The following TENM2 variants were observed in gnomAD, a reference collection of about 807,000 sequenced individuals.
TENM2 encodes teneurin-2.
Under a neutral mutation model 245.2 loss-of-function variants are expected in TENM2, and 52 were observed. That is an observed-to-expected ratio of 0.21 (90% confidence interval 0.17 to 0.27). The LOEUF (loss-of-function observed/expected upper bound fraction) is 0.27. Ranked by LOEUF, TENM2 falls within the 10% of genes least tolerant of loss-of-function variation. The probability of loss-of-function intolerance (pLI) is 1.00; values close to 1 mark genes in which losing one functional copy is unlikely to be tolerated. For synonymous variants in TENM2, 1,363 were observed against 1,438.9 expected, an observed-to-expected ratio of 0.95 and a Z score of 1.19; for missense variants, 3,046 against 3,666.8, an observed-to-expected ratio of 0.83 and a Z score of 4.37.
intron 4 of TENM2, among the ~76,000 whole-genome samples, chr5:167,970,757 C>T (rs1258233855): frequency 6.6e-6 from 1 of 151,970 alleles, no homozygotes; most frequent in Non-Finnish European, 1.5e-5. Flanking sequence ...ACATGCAACA[C>T]GTCCTAATGT....
intron 3 of TENM2, chr5:167,934,736 C>G: frequency 2.9e-6 from 1 of 350,380 alleles, no homozygotes; most frequent in Non-Finnish European, 4.0e-6. Context: ...CAATATCGCT[C>G]GAACCTTCCC....
At chr5:166,996,869 C>G in the TENM2 span, among the ~76,000 whole-genome samples, 32 of 152,270 alleles carry the variant, frequency 2.1e-4, no homozygotes, top group African/African-American at 7.5e-4. Context: ...ACTTTCCATT[C>G]TTTCTTTTCT....
At chr5:167,391,622 CAAAAAAAAA>C (rs56202184) in intron 2 of TENM2, among the ~76,000 whole-genome samples, 7 of 53,500 alleles carry the variant, frequency 1.3e-4, no homozygotes, top group Admixed American at 4.4e-4. Flanking sequence ...AAGACTTCAT[CAAAAAAAAA>C]AAAAAAAAAA....
intron 2 of TENM2, among the ~76,000 whole-genome samples, chr5:167,815,950 A>G (rs1182400686): frequency 6.7e-6 from 1 of 150,266 alleles, no homozygotes; most frequent in Non-Finnish European, 1.5e-5. Context: ...CTAAAGGATC[A>G]CTTAAGTCCC....
At chr5:167,696,347 C>G (rs550501617) in intron 2 of TENM2, among the ~76,000 whole-genome samples, 1 of 152,180 alleles carries the variant, frequency 6.6e-6, no homozygotes, top group African/African-American at 2.4e-5. Flanking sequence ...TTCATCAAAG[C>G]CAGCCAAGGT....
chr5:167,466,286 C>T (rs779839245), intron 2 of TENM2, among the ~76,000 whole-genome samples: 8 of 152,188 alleles, frequency 5.3e-5, no homozygotes, highest in Non-Finnish European at 1.2e-4. Context: ...CATGGGCTCA[C>T]GAACTCTCCT....
At chr5:167,731,146 A>G (rs1760398919) in intron 2 of TENM2, among the ~76,000 whole-genome samples, 1 of 151,836 alleles carries the variant, frequency 6.6e-6, no homozygotes, top group Non-Finnish European at 1.5e-5. Context: ...ATATTAAAAC[A>G]CCAGATAAAA....
intron 2 of TENM2, among the ~76,000 whole-genome samples, chr5:167,519,205 A>C (rs989231594): frequency 3.3e-5 from 5 of 152,148 alleles, no homozygotes; most frequent in African/African-American, 1.2e-4. Context: ...TCATATGCTT[A>C]AATATTATCT....
intron 2 of TENM2, among the ~76,000 whole-genome samples, chr5:167,619,940 C>G (rs1169968647): frequency 2.0e-5 from 3 of 152,182 alleles, no homozygotes; most frequent in African/African-American, 7.2e-5. Flanking sequence ...TCTACCACCA[C>G]TAATGTGGTC....
intron 2 of TENM2, among the ~76,000 whole-genome samples, chr5:167,573,135 G>A (rs1774390884): frequency 6.6e-6 from 1 of 151,652 alleles, no homozygotes; most frequent in Non-Finnish European, 1.5e-5. Context: ...GTTTACCCAT[G>A]GCAGTTTGTC....
At chr5:167,802,197 A>C (rs954455942) in intron 2 of TENM2, among the ~76,000 whole-genome samples, 2 of 152,184 alleles carry the variant, frequency 1.3e-5, no homozygotes, top group Admixed American at 1.3e-4. Flanking sequence ...TCAATACTGT[A>C]GCATTGGGAA....
chr5:167,425,824 G>T (rs1357950386), intron 2 of TENM2, among the ~76,000 whole-genome samples: 1 of 152,156 alleles, frequency 6.6e-6, no homozygotes, highest in Non-Finnish European at 1.5e-5. Context: ...TGAAAATTGA[G>T]ATGATCCCTG....
At chr5:167,856,067 C>G (rs1439365075) in intron 2 of TENM2, among the ~76,000 whole-genome samples, 1 of 152,208 alleles carries the variant, frequency 6.6e-6, no homozygotes, top group Non-Finnish European at 1.5e-5. Flanking sequence ...CACACAGTCA[C>G]TTATTTCGAC....
chr5:167,475,632 C>T (rs566831380), intron 2 of TENM2, among the ~76,000 whole-genome samples: 1 of 152,172 alleles, frequency 6.6e-6, no homozygotes, highest in South Asian at 2.1e-4. Context: ...TGTCCTAATG[C>T]TTTCCTTCCC....
chr5:167,239,920 G>A, the TENM2 span, among the ~76,000 whole-genome samples: 5 of 152,026 alleles, frequency 3.3e-5, no homozygotes, highest in Non-Finnish European at 5.9e-5. Context: ...TGACAGGCAC[G>A]CGCCACCATG....
At chr5:167,519,503 A>T (rs2127580110) in intron 2 of TENM2, among the ~76,000 whole-genome samples, 1 of 152,284 alleles carries the variant, frequency 6.6e-6, no homozygotes, top group East Asian at 1.9e-4. Context: ...CATGCACTTT[A>T]AAAAATAAGG....
At chr5:168,121,666 T>C (rs1795476344) in intron 10 of TENM2, among the ~76,000 whole-genome samples, 1 of 152,172 alleles carries the variant, frequency 6.6e-6, no homozygotes, top group Non-Finnish European at 1.5e-5. Flanking sequence ...CCATTTTCAT[T>C]TTTTTAGTGT....
At chr5:168,166,401 A>G (rs993501492) in intron 13 of TENM2, among the ~76,000 whole-genome samples, 3 of 152,228 alleles carry the variant, frequency 2.0e-5, no homozygotes, top group African/African-American at 7.2e-5. Context: ...TTAAACTGAG[A>G]TAGATATAGA....
At chr5:168,013,893 C>G (rs150951951) in intron 5 of TENM2, among the ~76,000 whole-genome samples, 4 of 152,308 alleles carry the variant, frequency 2.6e-5, no homozygotes, top group Non-Finnish European at 4.4e-5. Flanking sequence ...TTCTGGACCT[C>G]TCTCTTGGCT....
Sources: allele counts gnomAD v4.1 joint callset (sites outside exome capture counted in the v4.1 genomes callset), GRCh38; gene constraint gnomAD v4.1.1; transcripts MANE v1.5; gene names NCBI Gene and HGNC (gene_info 2026-07-23, HGNC 2026-07-21).